Variants in TMOD3 observed in about 807,000 individuals in gnomAD.
The protein encoded by TMOD3 is tropomodulin 3.
A neutral mutation model predicts 39.2 loss-of-function variants in TMOD3; 20 were observed. The ratio of observed to expected loss-of-function variants is 0.51; its 90% CI spans 0.36 to 0.74. The LOEUF (loss-of-function observed/expected upper bound fraction) is 0.74. Among genes scored for constraint, TMOD3 ranks in the 30% least tolerant of loss-of-function variants. The pLI, the probability that TMOD3 is intolerant of heterozygous loss-of-function variation, is 0.00. For synonymous variants in TMOD3, 143 were observed against 145.8 expected (o/e 0.98, Z 0.14); for missense variants, 381 against 412.8 (o/e 0.92, Z 0.67).
intron 9 of TMOD3, chr15:51,907,284 T>C (rs1237966634): frequency 2.0e-5 from 3 of 152,154 alleles, no homozygotes; most frequent in Admixed American, 6.5e-5. Context: ...ACACAGACAT[T>C]CATGAAGCAA....
At chr15:51,903,437 A>G (rs1268723992) in intron 9 of TMOD3, among the ~76,000 whole-genome samples, 1 of 152,236 alleles carries the variant, frequency 6.6e-6, no homozygotes, top group Non-Finnish European at 1.5e-5. Context: ...CTTAAGCTTC[A>G]GCCATATTTG....
chr15:51,847,252 T>C (rs1237291801), intron 1 of TMOD3, among the ~76,000 whole-genome samples: 1 of 152,250 alleles, frequency 6.6e-6, no homozygotes, highest in Non-Finnish European at 1.5e-5. Flanking sequence ...CTGCTTCTAA[T>C]TACATCTCTT....
At chr15:51,888,491 T>G (rs1185971658) in intron 4 of TMOD3, among the ~76,000 whole-genome samples, 1 of 152,232 alleles carries the variant, frequency 6.6e-6, no homozygotes, top group Non-Finnish European at 1.5e-5. Context: ...CTCTGACTTC[T>G]GCCTTATTTG....
intron 1 of TMOD3, among the ~76,000 whole-genome samples, chr15:51,862,039 G>C (rs1470940144): frequency 6.6e-6 from 1 of 152,114 alleles, no homozygotes. Context: ...CAGTCCTGCC[G>C]AATCAGCAGA....
chr15:51,907,746 T>A (rs554665999), intron 9 of TMOD3, among the ~76,000 whole-genome samples: 1 of 152,312 alleles, frequency 6.6e-6, no homozygotes, highest in East Asian at 1.9e-4. Flanking sequence ...CAGTGAATGC[T>A]CTCTAGTGGC....
At chr15:51,879,856 T>TCACACA (rs68117829) in intron 3 of TMOD3, among the ~76,000 whole-genome samples, 15,754 of 142,542 alleles carry the variant, frequency 0.11, 907 homozygotes, top group East Asian at 0.13. Context: ...TCTCTGTCTT[T>TCACACA]CACACACACA....
At position 51,833,519 on chromosome 15, in the gene TMOD3, C is replaced by G. The variant is rs564888800; in HGVS notation, c.-75+3683C>G. ...AAGTCACCCTAGAAAGTTCCCTCACCCACCTTCCTCCAAAGGCAATCACTT... is the reference window on the plus strand; with the variant it reads ...AAGTCACCCTAGAAAGTTCCCTCACGCACCTTCCTCCAAAGGCAATCACTT... On this transcript the variant is annotated intron_variant, in intron 1 of 9. Transcript: ENST00000308580. 3.3e-5 allele frequency: 5 copies of G among 152,302 alleles called. No individual in the cohort carries two copies. In the South Asian group the frequency reaches 1.0e-3, roughly 32 times the overall value. The allele number at this position is 152,302 out of a possible 1,614,324, so 9.4% of individuals were successfully genotyped here. A position where few individuals can be genotyped will look rare whatever the true frequency, so the allele number is the denominator to read the frequency against.
intron 1 of TMOD3, among the ~76,000 whole-genome samples, chr15:51,846,896 GA>G (rs2141673124): frequency 6.6e-6 from 1 of 152,240 alleles, no homozygotes; most frequent in Admixed American, 6.5e-5. Context: ...ATTAAAAACT[GA>G]AAAACATTTG....
chr15:51,879,354 G>GT lies in TMOD3; in HGVS notation c.284-8225dup, dbSNP rs998256394. On this transcript the variant is annotated intron_variant, in intron 3 of 9. Transcript: ENST00000308580. The stretch of plus-strand genomic sequence containing the variant: ...TGTATCATTTCATACTTATCTGAGA[G>GT]TTTTTTTTTTCTGATCTCATCATTG... Among the ~76,000 whole-genome samples, 135 of 147,068 alleles carry GT rather than the reference G, an allele frequency of 9.2e-4. No individual in the cohort carries two copies. The East Asian group carries it at 9.5e-3, about 10-fold the overall frequency.
chr15:51,875,537 A>T (rs1400479310), intron 3 of TMOD3, among the ~76,000 whole-genome samples: 1 of 151,428 alleles, frequency 6.6e-6, no homozygotes, highest in African/African-American at 2.4e-5. Context: ...CATTTCCTGG[A>T]TAACTACACC....
At chr15:51,886,042 C>CAGAGGCTGCAATCTCGGCACTTTG (rs2056560651) in intron 3 of TMOD3, among the ~76,000 whole-genome samples, 1 of 151,390 alleles carries the variant, frequency 6.6e-6, no homozygotes, top group African/African-American at 2.4e-5. Context: ...GGCTGCCGGG[C>CAGAGGCTGCAATCTCGGCACTTTG]GGAGGGGCTC....
chr15:51,895,268 G>GT (rs2056614839), intron 6 of TMOD3, among the ~76,000 whole-genome samples: 1 of 149,880 alleles, frequency 6.7e-6, no homozygotes, highest in Non-Finnish European at 1.5e-5. Flanking sequence ...CCAGGCTGGA[G>GT]TGCAGTGGTG....
intron 3 of TMOD3, 31 bp downstream of exon 3, chr15:51,869,404 G>T: frequency 6.3e-7 from 1 of 1,596,342 alleles, no homozygotes; most frequent in South Asian, 1.2e-5. Context: ...GTCATTATGT[G>T]GTAACACTTG....
intron 8 of TMOD3, chr15:51,901,092 A>G (rs542639573): frequency 1.3e-5 from 2 of 152,290 alleles, no homozygotes; most frequent in South Asian, 2.1e-4. Flanking sequence ...TATCTGTGGA[A>G]TCAAACAATA....
At chr15:51,902,104 C>T (rs1329131657) in intron 9 of TMOD3, 68 bp downstream of exon 9, 2 of 1,560,068 alleles carry the variant, frequency 1.3e-6, no homozygotes, top group Middle Eastern at 1.7e-4. Flanking sequence ...AACTTCTTTC[C>T]CTCTTAAGAA....
intron 1 of TMOD3, among the ~76,000 whole-genome samples, chr15:51,830,208 G>T (rs1215891735): frequency 6.6e-6 from 1 of 152,200 alleles, no homozygotes; most frequent in Admixed American, 6.5e-5. Context: ...CACCGAGATG[G>T]CACCGAGCCT....
chr15:51,866,802 C>T (rs896717210), intron 2 of TMOD3, among the ~76,000 whole-genome samples: 4 of 152,160 alleles, frequency 2.6e-5, no homozygotes, highest in Non-Finnish European at 5.9e-5. Flanking sequence ...CTTAGGAATA[C>T]AAGAATGAGC....
At chr15:51,901,740 G>A in intron 8 of TMOD3, 152 bp from the exon 9 acceptor site, 1 of 752,188 alleles carries the variant, frequency 1.3e-6, no homozygotes, top group East Asian at 2.8e-5. Flanking sequence ...TTACAAATCA[G>A]TACTTGGAAC....
intron 2 of TMOD3, among the ~76,000 whole-genome samples, chr15:51,866,043 T>A (rs1394614014): frequency 2.4e-4 from 36 of 152,044 alleles, no homozygotes; most frequent in Non-Finnish European, 2.9e-5. Flanking sequence ...TTAAAGAAAA[T>A]TTTTATATGA....
Sources: gnomAD v4.1 joint callset for allele counts (sites outside exome capture counted in the v4.1 genomes callset) on GRCh38, gnomAD v4.1.1 for gene constraint, MANE v1.5 for transcripts, NCBI Gene and HGNC (gene_info 2026-07-23, HGNC 2026-07-21) for gene names.